The following LDB2 variants were observed in gnomAD, a reference collection of about 807,000 sequenced individuals.
LDB2 encodes LIM domain-binding protein 2.
Under a neutral mutation model 44.3 loss-of-function variants are expected in LDB2, and 12 were observed. That is an observed-to-expected ratio of 0.27 (90% CI 0.17 to 0.44). The LOEUF (loss-of-function observed/expected upper bound fraction) is 0.44, where lower values mean the gene tolerates loss of function less well. LDB2 is among the 20% of genes least tolerant of loss of function. The pLI, the probability that LDB2 is intolerant of heterozygous loss-of-function variation, is 1.00. For missense variants in LDB2, 344 were observed against 473.5 expected, an observed-to-expected ratio of 0.73 and a Z score of 2.54; for synonymous variants, 164 against 174.8, an observed-to-expected ratio of 0.94 and a Z score of 0.49.
chr4:16,829,434 A>G (rs1783657726), intron 1 of LDB2, among the ~76,000 whole-genome samples: 1 of 152,230 alleles, frequency 6.6e-6, no homozygotes, highest in Admixed American at 6.5e-5. Context: ...CTTTTATTTG[A>G]AAACACAATT....
At chr4:16,589,902 T>A (rs1718309354) in intron 3 of LDB2, among the ~76,000 whole-genome samples, 1 of 152,146 alleles carries the variant, frequency 6.6e-6, no homozygotes, top group South Asian at 2.1e-4. Flanking sequence ...CAAATTCCAG[T>A]TTTTCTCACT....
intron 5 of LDB2, among the ~76,000 whole-genome samples, chr4:16,551,739 A>G (rs1043509766): frequency 2.0e-5 from 3 of 151,738 alleles, no homozygotes; most frequent in African/African-American, 4.8e-5. Context: ...CTGGTCTCAA[A>G]CTCCTGACCT....
rs535315784 is a variant in LDB2 at position 16,738,169 on chromosome 4, T to C, written c.235+20989A>G. Among the ~76,000 whole-genome samples, 103 of 152,280 alleles carry C rather than the reference T, an allele frequency of 6.8e-4. 2 individuals carry two copies. Among genetic ancestry groups the C allele is most frequent in the South Asian group, 2.1e-3 (10 of 4,822 alleles). On this transcript the variant is annotated intron_variant, in intron 2 of 7. Transcript: ENST00000304523. ...TCCAACCAAAGATATCAACACCTGA[T>C]GTGGTCAGTAGTTTGGGAGGAACCT... is the stretch of plus-strand genomic sequence containing the variant.
At chr4:16,860,916 A>T (rs1469009250) in intron 1 of LDB2, among the ~76,000 whole-genome samples, 1 of 59,460 alleles carries the variant, frequency 1.7e-5, no homozygotes. Flanking sequence ...CTACAGCTAT[A>T]AAAAAAAAAT....
At chr4:16,563,487 C>A (rs1185810274) in intron 5 of LDB2, among the ~76,000 whole-genome samples, 1 of 117,548 alleles carries the variant, frequency 8.5e-6, no homozygotes, top group African/African-American at 3.2e-5. Flanking sequence ...CTCGCTCTGT[C>A]ACCCAGGCTG....
intron 1 of LDB2, among the ~76,000 whole-genome samples, chr4:16,800,950 C>T (rs1013926759): frequency 6.6e-6 from 1 of 152,234 alleles, no homozygotes; most frequent in Non-Finnish European, 1.5e-5. Context: ...GGTGGGATTA[C>T]AGGCGTGAGC....
In LDB2 at chr4:16,880,920, A is replaced by G. The variant is rs553567956; in HGVS notation, c.132+17434T>C. On this transcript the variant is annotated intron_variant, in intron 1 of 7. Transcript: ENST00000304523. Reference sequence around the variant, plus strand: ...CTCCATCTCAAAAAAAAAAAAAAAAAAAGCACACACACAAAGAGGAGCCAG... The same window carrying G: ...CTCCATCTCAAAAAAAAAAAAAAAAGAAGCACACACACAAAGAGGAGCCAG... Among the ~76,000 whole-genome samples, 1,259 of 151,578 alleles carry G rather than the reference A, an allele frequency of 8.3e-3. 25 individuals carry two copies. The highest frequency in any genetic ancestry group is 0.029 in the African/African-American group (1,204 of 41,270).
chr4:16,637,627 A>G (rs1733982568), intron 2 of LDB2, among the ~76,000 whole-genome samples: 1 of 152,170 alleles, frequency 6.6e-6, no homozygotes, highest in Admixed American at 6.5e-5. Context: ...AGCTACCAAG[A>G]GAAGCCCTGG....
chr4:16,636,250 T>G (rs564608231), intron 2 of LDB2, among the ~76,000 whole-genome samples: 1 of 152,310 alleles, frequency 6.6e-6, no homozygotes, highest in African/African-American at 2.4e-5. Flanking sequence ...GTGACAGAGC[T>G]GAGCTTCCAG....
Position 16,511,952 on chromosome 4 carries a change from TAG to T in LDB2, c.739+27_739+28del, listed in dbSNP as rs201100460. The T allele has an allele frequency of 2.9e-3, 4,699 of 1,600,962 alleles. 112 individuals are homozygous for T. The Admixed American group carries it at 0.047, about 16-fold the overall frequency. On this transcript the variant is annotated intron_variant, in intron 6 of 7. Coordinates refer to ENST00000304523, the MANE Select transcript of LDB2 (RefSeq NM_001290.5). ...TGGAAGACACCTCTGAAAACGTGTT[TAG>T]AGAGAGAGTGAAGAATGAGGGTGTA...
At chr4:16,714,232 T>C (rs1756546820) in intron 2 of LDB2, among the ~76,000 whole-genome samples, 1 of 152,176 alleles carries the variant, frequency 6.6e-6, no homozygotes. Flanking sequence ...GAAGATGACA[T>C]TGGAAAGTAG....
intron 2 of LDB2, among the ~76,000 whole-genome samples, chr4:16,673,732 G>A (rs748429672): frequency 1.3e-4 from 20 of 152,138 alleles, no homozygotes; most frequent in Non-Finnish European, 1.9e-4. Flanking sequence ...AGTACGTAGA[G>A]GCCAGGGATG....
intron 2 of LDB2, among the ~76,000 whole-genome samples, chr4:16,692,358 C>T (rs1016627309): frequency 6.6e-6 from 1 of 152,088 alleles, no homozygotes; most frequent in Non-Finnish European, 1.5e-5. Flanking sequence ...TTAAGTCCCT[C>T]GGCAAAATAC....
chr4:16,650,240 C>A (rs1036126661), intron 2 of LDB2, among the ~76,000 whole-genome samples: 6 of 152,178 alleles, frequency 3.9e-5, no homozygotes, highest in Admixed American at 6.5e-5. Context: ...AATGATAAAA[C>A]TTGTCTGATG....
At chr4:16,692,438 A>G (rs1578824947) in intron 2 of LDB2, among the ~76,000 whole-genome samples, 1 of 152,324 alleles carries the variant, frequency 6.6e-6, no homozygotes, top group East Asian at 1.9e-4. Flanking sequence ...AGCAGCAGCA[A>G]AAGGGTTACT....
chr4:16,828,084 C>T (rs1294620207), intron 1 of LDB2, among the ~76,000 whole-genome samples: 2 of 152,150 alleles, frequency 1.3e-5, no homozygotes, highest in Admixed American at 1.3e-4. Flanking sequence ...CCCCAGGATG[C>T]TTCCATCTGC....
At chr4:16,775,784 T>C (rs371716417) in intron 1 of LDB2, among the ~76,000 whole-genome samples, 2 of 152,166 alleles carry the variant, frequency 1.3e-5, no homozygotes, top group South Asian at 2.1e-4. Flanking sequence ...CGGTGTTTAA[T>C]TTTTCCTGTA....
chr4:16,764,641 G>A (rs573188588), intron 1 of LDB2, among the ~76,000 whole-genome samples: 103 of 152,194 alleles, frequency 6.8e-4, no homozygotes, highest in African/African-American at 2.3e-3. Context: ...AAGAAAAAGA[G>A]ACCATGGTCA....
intron 5 of LDB2, among the ~76,000 whole-genome samples, chr4:16,574,478 T>C (rs1389002930): frequency 1.3e-5 from 2 of 152,168 alleles, no homozygotes; most frequent in South Asian, 2.1e-4. Flanking sequence ...AATCTCAGCA[T>C]AGAATTCAAA....
Sources: allele counts gnomAD v4.1 joint callset (sites outside exome capture counted in the v4.1 genomes callset), GRCh38; gene constraint gnomAD v4.1.1; transcripts MANE v1.5; gene names NCBI Gene and HGNC (gene_info 2026-07-23, HGNC 2026-07-21).